SLC16A6: variants seen among roughly 807,000 people sequenced by gnomAD.
SLC16A6 encodes solute carrier family 16 member 6, also known as monocarboxylate transporter 7.
A neutral mutation model predicts 33.8 loss-of-function variants in SLC16A6; 15 were observed. The observed-to-expected ratio is 0.44, with a 90% CI of 0.30 to 0.68. SLC16A6 has a LOEUF of 0.68. Ranked by LOEUF, SLC16A6 falls within the 30% of genes least tolerant of loss-of-function variation. The pLI, the probability that SLC16A6 is intolerant of heterozygous loss-of-function variation, is 0.10. For synonymous variants in SLC16A6, 219 were observed against 248.4 expected (o/e 0.88, Z 1.11); for missense variants, 451 against 661.5 (o/e 0.68, Z 3.49).
In SLC16A6 at chr17:68,270,821, T is replaced by G; in HGVS notation, c.1321+18A>C. ...AGGGAAAGTAGACAAGTGTTTGTAT[T>G]TTGTGTATTTAAATTACCTGCAAGG... is the stretch of plus-strand genomic sequence containing the variant. On this transcript the variant is annotated intron_variant, in intron 5 of 5. Coordinates refer to ENST00000580666, the MANE Select transcript of SLC16A6 (RefSeq NM_004694.5). 6.4e-7 allele frequency: 1 copy of G among 1,573,872 alleles called. No homozygotes were observed. Among genetic ancestry groups the G allele is most frequent in the African/African-American group, 1.4e-5 (1 of 73,642 alleles).
chr17:68,289,888 G>A (rs1252996224), intron 1 of SLC16A6, among the ~76,000 whole-genome samples: 2 of 152,138 alleles, frequency 1.3e-5, no homozygotes, highest in Non-Finnish European at 2.9e-5. Context: ...TTTACACACT[G>A]TAAGTTCCTA....
intron 5 of SLC16A6, among the ~76,000 whole-genome samples, chr17:68,270,334 T>C (rs2075294668): frequency 6.6e-6 from 1 of 152,004 alleles, no homozygotes; most frequent in Non-Finnish European, 1.5e-5. Context: ...GGCAGGCGGA[T>C]CACGAGGTCA....
chr17:68,277,728 A>G (rs1555751450), intron 2 of SLC16A6, among the ~76,000 whole-genome samples: 1 of 152,200 alleles, frequency 6.6e-6, no homozygotes, highest in Non-Finnish European at 1.5e-5. Flanking sequence ...CCCGGCCATC[A>G]GCAACTTTTT....
At position 68,271,065 on chromosome 17, in the gene SLC16A6, G is replaced by A. The variant is rs781876570; in HGVS notation, c.1095C>T (p.Cys365=). 82 of 1,614,040 alleles carry A rather than the reference G, an allele frequency of 5.1e-5. No individual in the cohort carries two copies. Among genetic ancestry groups the A allele is most frequent in the South Asian group, 3.3e-4 (30 of 91,084 alleles). The change falls in exon 5 of 6, where the codon TGC becomes TGT. Residue 365 remains cysteine (C), a synonymous_variant. Transcript: ENST00000580666. The surrounding 1 kb of genome is among the most constrained non-coding windows in gnomAD (Gnocchi z 5.3). ...ACAGAGACACAGTCAATAAGATGAC[G>A]CAGATGAGCTCAATGTAAATCTTAC... ...PIRKIYIELI[C]VILLTVSLFA...
chr17:68,272,060 C>CAA (rs782706828), intron 4 of SLC16A6, among the ~76,000 whole-genome samples: 7 of 152,100 alleles, frequency 4.6e-5, no homozygotes, highest in Non-Finnish European at 1.0e-4. Context: ...CTCGGCCTCT[C>CAA]AAAGTACTGG....
chr17:68,275,639 C>T (rs2075488933), intron 2 of SLC16A6, among the ~76,000 whole-genome samples: 3 of 152,064 alleles, frequency 2.0e-5, no homozygotes, highest in Admixed American at 2.0e-4. Flanking sequence ...AGTCCTAATT[C>T]ATTTGTTATC....
At chr17:68,285,548 T>G (rs1345891763) in intron 1 of SLC16A6, 1 of 152,294 alleles carries the variant, frequency 6.6e-6, no homozygotes, top group Non-Finnish European at 1.5e-5. Context: ...TGCGCACCTG[T>G]GCTTCCAGCT....
At chr17:68,291,377 A>C (rs1368333445), upstream of SLC16A6, 1 of 141,500 alleles carries the variant, frequency 7.1e-6, no homozygotes, top group Non-Finnish European at 1.5e-5. Context: ...GTCGCTGCCT[A>C]GCTCTTATCC....
intron 5 of SLC16A6, among the ~76,000 whole-genome samples, chr17:68,270,369 C>A (rs2075296331): frequency 6.6e-6 from 1 of 152,080 alleles, no homozygotes; most frequent in African/African-American, 2.4e-5. Context: ...TCCTGGCCAA[C>A]ATGGTGAAAC....
chr17:68,269,597 C>T (rs1212191026), intron 5 of SLC16A6, among the ~76,000 whole-genome samples: 8 of 140,112 alleles, frequency 5.7e-5, no homozygotes, highest in Admixed American at 7.4e-5. Context: ...TGGGACATTT[C>T]GATGCATACT....
chr17:68,283,492 GCCTGGGCGACA>G (rs1599553050), intron 1 of SLC16A6, among the ~76,000 whole-genome samples: 2 of 148,756 alleles, frequency 1.3e-5, no homozygotes, highest in Non-Finnish European at 3.0e-5. Context: ...CTGCACTCCA[GCCTGGGCGACA>G]GAGTGAGACT....
intron 1 of SLC16A6, among the ~76,000 whole-genome samples, chr17:68,287,425 G>A (rs782303568): frequency 8.6e-5 from 13 of 151,986 alleles, no homozygotes; most frequent in Non-Finnish European, 1.5e-4. Flanking sequence ...CTCCCAAAGT[G>A]ATAGTATTAA....
At chr17:68,279,011 A>C (rs2075613269) in intron 1 of SLC16A6, among the ~76,000 whole-genome samples, 1 of 152,220 alleles carries the variant, frequency 6.6e-6, no homozygotes, top group South Asian at 2.1e-4. Flanking sequence ...GGTATTGTAC[A>C]TGGGGCCTCC....
At chr17:68,277,186 C>CA (rs1431376626) in intron 2 of SLC16A6, among the ~76,000 whole-genome samples, 2 of 152,016 alleles carry the variant, frequency 1.3e-5, no homozygotes, top group Non-Finnish European at 2.9e-5. Flanking sequence ...GGCTGGAGTG[C>CA]AATGGCATGA....
chr17:68,280,179 C>CAAAAAAAAAAAAAAAA (rs58937538), intron 1 of SLC16A6, among the ~76,000 whole-genome samples: 1 of 87,568 alleles, frequency 1.1e-5, no homozygotes. Context: ...AACTCTGTCT[C>CAAAAAAAAAAAAAAAA]AAAAAAAAAA....
intron 1 of SLC16A6, among the ~76,000 whole-genome samples, chr17:68,290,467 G>C (rs2075947330): frequency 1.3e-5 from 2 of 152,234 alleles, no homozygotes; most frequent in African/African-American, 2.4e-5. Flanking sequence ...AGTTGCGCGG[G>C]ACCGGCCGTC....
At position 68,271,745 on chromosome 17, in the gene SLC16A6, G is replaced by A; in HGVS notation, c.506-91C>T. On this transcript the variant is annotated intron_variant, in intron 4 of 5. Coordinates refer to ENST00000580666, the MANE Select transcript of SLC16A6 (RefSeq NM_004694.5). The surrounding 1 kb of genome is among the most constrained non-coding windows in gnomAD (Gnocchi z 5.3). ...GCCATCAAGAAGAAATATGGATCCA[G>A]ATTTTGTTATAAGTTCTGTGGAAAT... 1 of 951,226 alleles carries A rather than the reference G, an allele frequency of 1.1e-6. No individual in the cohort carries two copies. The highest frequency in any genetic ancestry group is 1.6e-6 in the Non-Finnish European group (1 of 636,282). The allele number at this position is 951,226 out of a possible 1,614,324, so 58.9% of individuals were successfully genotyped here. A position where few individuals can be genotyped will look rare whatever the true frequency, so the allele number is the denominator to read the frequency against.
At chr17:68,286,399 C>T (rs782367735) in intron 1 of SLC16A6, among the ~76,000 whole-genome samples, 4 of 152,134 alleles carry the variant, frequency 2.6e-5, no homozygotes, top group South Asian at 4.1e-4. Flanking sequence ...TTTGTAAAAT[C>T]GGGAAACTGA....
At chr17:68,272,907 G>A in intron 3 of SLC16A6, 140 bp from the exon 4 acceptor site, 1 of 1,000,462 alleles carries the variant, frequency 1.0e-6, no homozygotes, top group Non-Finnish European at 1.5e-6. Context: ...CTGGACAAAG[G>A]TGATGTTGCA....
Sources: gnomAD v4.1 joint callset for allele counts (sites outside exome capture counted in the v4.1 genomes callset) on GRCh38, gnomAD v4.1.1 for gene constraint, Gnocchi (gnomAD v3.1) non-coding constraint, MANE v1.5 for transcripts, NCBI Gene and HGNC (gene_info 2026-07-23, HGNC 2026-07-21) for gene names.